Variants in WWOX observed in about 807,000 individuals in gnomAD.
WWOX encodes the protein WW domain containing oxidoreductase.
In WWOX, 69 loss-of-function variants were observed where a neutral mutation model predicts 46.2. The ratio of observed to expected loss-of-function variants is 1.49; its 90% CI spans 1.23 to 1.82. The LOEUF (loss-of-function observed/expected upper bound fraction) is 1.82. WWOX is among the 40% of genes most tolerant of loss of function. WWOX has a pLI of 0.00. For missense variants in WWOX, 919 were observed against 542.6 expected (o/e 1.69, Z -6.89); for synonymous variants, 359 against 202.6 (o/e 1.77, Z -6.56).
intron 5 of WWOX, among the ~76,000 whole-genome samples, chr16:78,256,357 C>G (rs942677853): frequency 6.6e-6 from 1 of 151,862 alleles, no homozygotes; most frequent in Admixed American, 6.6e-5. Flanking sequence ...TGGCCTCTAC[C>G]GCTTCACTTC....
Position 78,350,128 on chromosome 16 carries a change from G to T in WWOX, c.517-36732G>T, listed in dbSNP as rs1044366141. On this transcript the variant is annotated intron_variant, in intron 5 of 8. Transcript: ENST00000566780. ...ATCTCCAACAGCTAGGCAATATTCTGTCATATGGGTTTACCATACTTTTCT... is the reference window on the plus strand; with the variant it reads ...ATCTCCAACAGCTAGGCAATATTCTTTCATATGGGTTTACCATACTTTTCT... 3.3e-5 allele frequency among the ~76,000 whole-genome samples: 4 copies of T among 120,910 alleles called. 2 individuals are homozygous for T. The highest frequency in any genetic ancestry group is 5.6e-5 in the African/African-American group (2 of 35,668). 79.3% of individuals were successfully genotyped at this position (120,910 alleles called of 152,430 possible).
intron 8 of WWOX, among the ~76,000 whole-genome samples, chr16:78,976,050 T>C (rs1317922386): frequency 1.3e-5 from 2 of 152,182 alleles, no homozygotes; most frequent in Non-Finnish European, 2.9e-5. Context: ...AGCGCCCCGC[T>C]CTGGGCTCCA....
chr16:78,931,405 G>T (rs901957573), intron 8 of WWOX, among the ~76,000 whole-genome samples: 3 of 152,220 alleles, frequency 2.0e-5, no homozygotes, highest in African/African-American at 7.2e-5. Context: ...GATGGAGGGA[G>T]AATGGGAAGT....
intron 8 of WWOX, among the ~76,000 whole-genome samples, chr16:78,466,666 C>T (rs960529570): frequency 8.6e-5 from 13 of 152,010 alleles, no homozygotes; most frequent in Non-Finnish European, 1.8e-4. Context: ...CCTGTCTCTA[C>T]TATAAACTCC....
chr16:78,479,970 C>G (rs1469702317), intron 8 of WWOX, among the ~76,000 whole-genome samples: 1 of 152,106 alleles, frequency 6.6e-6, no homozygotes, highest in Non-Finnish European at 1.5e-5. Flanking sequence ...GGTGAGGATT[C>G]CATGGCTTTA....
At chr16:78,685,504 C>G (rs1034781929) in intron 8 of WWOX, among the ~76,000 whole-genome samples, 2 of 152,208 alleles carry the variant, frequency 1.3e-5, no homozygotes, top group African/African-American at 4.8e-5. Context: ...AAAACTAGAC[C>G]TGGGGACTAT....
At chr16:78,772,677 G>C (rs2050093113) in intron 8 of WWOX, among the ~76,000 whole-genome samples, 1 of 152,192 alleles carries the variant, frequency 6.6e-6, no homozygotes, top group East Asian at 1.9e-4. Flanking sequence ...CTGGGGCATA[G>C]GCATATGTTT....
intron 8 of WWOX, among the ~76,000 whole-genome samples, chr16:78,555,741 A>G (rs539410963): frequency 6.6e-6 from 1 of 152,210 alleles, no homozygotes; most frequent in Non-Finnish European, 1.5e-5. Flanking sequence ...CCACATTTGG[A>G]ATGATTTCAC....
intron 8 of WWOX, among the ~76,000 whole-genome samples, chr16:78,777,929 C>T (rs938384742): frequency 8.6e-5 from 13 of 151,248 alleles, no homozygotes; most frequent in African/African-American, 2.7e-4. Flanking sequence ...CCTGTAGTTC[C>T]AACTGCTCAG....
At chr16:78,651,502 G>T (rs538051431) in intron 8 of WWOX, among the ~76,000 whole-genome samples, 2 of 152,324 alleles carry the variant, frequency 1.3e-5, no homozygotes, top group East Asian at 3.9e-4. Context: ...ATCAAAGATG[G>T]GCTGGCATGA....
At chr16:78,821,727 T>A (rs1384841914) in intron 8 of WWOX, among the ~76,000 whole-genome samples, 2 of 152,182 alleles carry the variant, frequency 1.3e-5, no homozygotes, top group African/African-American at 4.8e-5. Context: ...TAAACCCAAG[T>A]CTATTTCTGA....
At chr16:78,883,286 C>A (rs774163727) in intron 8 of WWOX, among the ~76,000 whole-genome samples, 1 of 143,788 alleles carries the variant, frequency 7.0e-6, no homozygotes, top group East Asian at 1.9e-4. Flanking sequence ...TCATCAGTAA[C>A]GCAGTAACGT....
intron 8 of WWOX, among the ~76,000 whole-genome samples, chr16:78,819,440 C>T (rs932316334): frequency 6.6e-6 from 1 of 152,218 alleles, no homozygotes; most frequent in Non-Finnish European, 1.5e-5. Context: ...CTTTCCATGA[C>T]AATGACCCAA....
intron 5 of WWOX, among the ~76,000 whole-genome samples, chr16:78,315,389 C>T (rs566564230): frequency 6.6e-6 from 1 of 152,306 alleles, no homozygotes; most frequent in East Asian, 1.9e-4. Context: ...TGGCTCAAGC[C>T]TGTAATCCCA....
chr16:79,004,435 G>T (rs548163480), intron 8 of WWOX: 3 of 152,214 alleles, frequency 2.0e-5, no homozygotes, highest in East Asian at 1.9e-4. Flanking sequence ...AAGTACGTGG[G>T]GGGCAGGCAA....
chr16:78,386,896 G>T lies in WWOX; in HGVS notation c.553G>T (p.Ala185Ser). ...AKVEAMTLDLALLRSVQHFAE... is the reference protein window; with the variant it reads ...AKVEAMTLDLSLLRSVQHFAE... ...GGTAGAAGCAATGACCCTGGACCTC[G>T]CTCTGCTCCGTAGCGTGCAGCATTT... The change falls in exon 6 of 9, where the codon GCT (alanine) becomes TCT (serine). Residue 185 changes from alanine (A) to serine (S), a missense_variant. Physicochemically the swap from Ala to Ser is moderately conservative, Grantham distance 99. Transcript: ENST00000566780. The T allele has an allele frequency of 6.2e-7, 1 of 1,613,962 alleles. No individual in the cohort carries two copies. The highest frequency in any genetic ancestry group is 8.5e-7 in the Non-Finnish European group (1 of 1,179,978).
At chr16:79,170,375 G>A (rs2050677370) in intron 8 of WWOX, among the ~76,000 whole-genome samples, 1 of 152,196 alleles carries the variant, frequency 6.6e-6, no homozygotes, top group Non-Finnish European at 1.5e-5. Flanking sequence ...ACCCAGGTCT[G>A]ACTCCAGAAG....
rs78565444 is a variant in WWOX, at chr16:78,137,367, C to T, written c.409+22213C>T. On this transcript the variant is annotated intron_variant, in intron 4 of 8. Transcript: ENST00000566780. Reference sequence around the variant, plus strand: ...GGGCCTGGCACAGTATCTTTCACCCCGGAGTCTCAGTTTCCTCATCTGTAA... The same window carrying T: ...GGGCCTGGCACAGTATCTTTCACCCTGGAGTCTCAGTTTCCTCATCTGTAA... 3.0e-3 allele frequency among the ~76,000 whole-genome samples: 455 copies of T among 152,288 alleles called. 4 individuals carry two copies. The highest frequency in any genetic ancestry group is 0.024 in the East Asian group (126 of 5,176).
intron 5 of WWOX, among the ~76,000 whole-genome samples, chr16:78,240,273 G>A (rs1271429197): frequency 2.0e-5 from 3 of 151,792 alleles, no homozygotes; most frequent in African/African-American, 7.3e-5. Context: ...GAGCCCAGGA[G>A]TTCATTGCCA....
Sources: gnomAD v4.1 joint callset for allele counts (sites outside exome capture counted in the v4.1 genomes callset) on GRCh38, gnomAD v4.1.1 for gene constraint, MANE v1.5 for transcripts, NCBI Gene and HGNC (gene_info 2026-07-23, HGNC 2026-07-21) for gene names.